The following GCN1 variants were observed in gnomAD, a reference collection of about 807,000 sequenced individuals.
The protein encoded by GCN1 is stalled ribosome sensor GCN1.
Under a neutral mutation model 288.4 loss-of-function variants are expected in GCN1, and 90 were observed. The ratio of observed to expected loss-of-function variants is 0.31; its 90% CI spans 0.26 to 0.37. GCN1 has a LOEUF of 0.37. GCN1 is among the 10% of genes least tolerant of loss of function. The pLI, the probability that GCN1 is intolerant of heterozygous loss-of-function variation, is 1.00. For missense variants in GCN1, 2,586 were observed against 3,419.9 expected (o/e 0.76, Z 6.08); for synonymous variants, 1,386 against 1,420.2 (o/e 0.98, Z 0.54).
intron 21 of GCN1, 123 bp downstream of exon 21, chr12:120,161,757 C>A: frequency 9.7e-7 from 1 of 1,035,274 alleles, no homozygotes; most frequent in Non-Finnish European, 1.5e-6. Flanking sequence ...ACACAACAGG[C>A]GCTTAGCCAA....
At chr12:120,187,234 C>CA (rs1878849656) in intron 2 of GCN1, among the ~76,000 whole-genome samples, 1 of 143,152 alleles carries the variant, frequency 7.0e-6, no homozygotes, top group Admixed American at 7.1e-5. Flanking sequence ...TTTTTTGAGA[C>CA]AGAGTTTCGT....
At chr12:120,146,546 T>C (rs967363309) in intron 38 of GCN1, among the ~76,000 whole-genome samples, 2 of 151,672 alleles carry the variant, frequency 1.3e-5, no homozygotes, top group African/African-American at 4.9e-5. Flanking sequence ...TTCTGGTTTT[T>C]TAATTTCCCA....
In GCN1 at chr12:120,143,586, AG is replaced by A. The variant is rs1446442072; in HGVS notation, c.5496-646del. Among the ~76,000 whole-genome samples, 54 of 135,054 alleles carry A rather than the reference AG, an allele frequency of 4.0e-4. 1 individual carries two copies. In the South Asian group the frequency reaches 6.4e-3, roughly 16 times the overall value. 88.6% of individuals were successfully genotyped at this position (135,054 alleles called of 152,430 possible). A position where few individuals can be genotyped will look rare whatever the true frequency, so the allele number is the denominator to read the frequency against. On this transcript the variant is annotated intron_variant, in intron 42 of 57. Coordinates refer to ENST00000300648, the MANE Select transcript of GCN1 (RefSeq NM_006836.2). ...GACAGAGCGAGACTCCGTCTCAAAA[AG>A]GAAAAAAAAAAAAAAAAGACCACTG...
At chr12:120,185,385 A>G (rs2139142443) in intron 2 of GCN1, among the ~76,000 whole-genome samples, 1 of 152,248 alleles carries the variant, frequency 6.6e-6, no homozygotes, top group East Asian at 1.9e-4. Flanking sequence ...AGCTTGGCCT[A>G]TCAGATTAGT....
chr12:120,162,976 A>AG lies in GCN1; in HGVS notation c.2039-6dup. 1 of 1,614,220 alleles carries AG rather than the reference A, an allele frequency of 6.2e-7. No individual in the cohort carries two copies. The highest frequency in any genetic ancestry group is 8.5e-7 in the Non-Finnish European group (1 of 1,180,028). The stretch of plus-strand genomic sequence containing the variant: ...AAAGTCCAGACTGCACGGCAACTGA[A>AG]GGGGAAGGGAGCTCTTTGAGGCCTT... On this transcript the variant is annotated splice_region_variant and splice_polypyrimidine_tract_variant and intron_variant, in intron 19 of 57. Transcript: ENST00000300648.
chr12:120,134,034 T>C lies in GCN1; in HGVS notation c.7317+257A>G, dbSNP rs527707892. ...GTGAGCCGAGATTGTGCCACTTCAC[T>C]CCGGCCTGGGTGACACAGCAAGACT... On this transcript the variant is annotated intron_variant, in intron 53 of 57. Coordinates refer to ENST00000300648, the MANE Select transcript of GCN1 (RefSeq NM_006836.2). The surrounding 1 kb of genome is among the most constrained non-coding windows in gnomAD (Gnocchi z 5.0). 3.3e-5 allele frequency among the ~76,000 whole-genome samples: 5 copies of C among 152,242 alleles called. No individual in the cohort carries two copies. Among genetic ancestry groups the C allele is most frequent in the Admixed American group, 1.3e-4 (2 of 15,302 alleles).
chr12:120,159,866 G>A lies in GCN1; in HGVS notation c.2708C>T (p.Ser903Phe). 6.2e-7 allele frequency: 1 copy of A among 1,614,192 alleles called. No homozygotes were observed. The highest frequency in any genetic ancestry group is 8.5e-7 in the Non-Finnish European group (1 of 1,180,026). The change falls in exon 24 of 58, where the codon TCC becomes TTC. Residue 903 changes from serine (S) to phenylalanine (F), a missense_variant. Ser to Phe is a radical substitution (Grantham distance 155, BLOSUM62 -2). This residue lies in a region of GCN1 where 153 missense variants were observed against 252.0 expected (regional missense o/e 0.61). Coordinates refer to ENST00000300648, the MANE Select transcript of GCN1 (RefSeq NM_006836.2). ...AAPRIKNPFL[S>F]LAACVMPSRL... ...AGAGGGCATGACACAGGCAGCCAAG[G>A]ACAAGAAGGGGTTCTTGATCCTGGG...
At chr12:120,152,842 A>AT (rs1030915303) in intron 33 of GCN1, among the ~76,000 whole-genome samples, 2 of 151,638 alleles carry the variant, frequency 1.3e-5, no homozygotes, top group South Asian at 2.1e-4. Context: ...CTGACCTTTT[A>AT]TTTTTTTTCC....
chr12:120,184,253 G>A lies in GCN1; in HGVS notation c.186-10C>T. 7 of 1,609,728 alleles carry A rather than the reference G, an allele frequency of 4.3e-6. No homozygotes were observed. Among genetic ancestry groups the A allele is most frequent in the Non-Finnish European group, 5.9e-6 (7 of 1,178,638 alleles). On this transcript the variant is annotated splice_polypyrimidine_tract_variant and intron_variant, in intron 3 of 57. Coordinates refer to ENST00000300648, the MANE Select transcript of GCN1 (RefSeq NM_006836.2). ...GCGGGAGGCTGCATCTCTAGGGGGA[G>A]AGGCAAAGGAAAGGGTGAACATGCA...
chr12:120,180,758 G>A (rs527419374), intron 5 of GCN1, among the ~76,000 whole-genome samples: 15 of 151,940 alleles, frequency 9.9e-5, no homozygotes, highest in African/African-American at 3.4e-4. Flanking sequence ...GGAGGCTGAG[G>A]CGGGCGGATC....
At chr12:120,171,674 T>C (rs1347491232) in intron 14 of GCN1, among the ~76,000 whole-genome samples, 1 of 152,226 alleles carries the variant, frequency 6.6e-6, no homozygotes, top group African/African-American at 2.4e-5. Context: ...GTTTATTTTA[T>C]ATTATGTTTA....
chr12:120,175,282 C>A, intron 11 of GCN1, 70 bp from the exon 12 acceptor site: 1 of 1,339,790 alleles, frequency 7.5e-7, no homozygotes, highest in South Asian at 1.2e-5. Context: ...ACAATGCAGT[C>A]ACGTGTGTGA....
intron 55 of GCN1, 44 bp downstream of exon 55, chr12:120,131,141 T>C (rs750876554): frequency 7.7e-5 from 123 of 1,588,300 alleles, no homozygotes; most frequent in Non-Finnish European, 1.0e-4. Flanking sequence ...GTGCTGCCTA[T>C]GGGATGTGGC....
rs1462487691 is a variant in GCN1 at position 120,178,756 on chromosome 12, G to A, written c.529C>T (p.Pro177Ser). Reference protein sequence around the residue: ...KKLTKLWKENPGLVEQYLSAI... With the variant: ...KKLTKLWKENSGLVEQYLSAI... ...GACAAGTACTGTTCCACCAGCCCGG[G>A]GTTCTGAAGAGGAAAGTGCCAGGCA... The change falls in exon 7 of 58, where the codon CCC (proline) becomes TCC (serine). Residue 177 changes from proline (P) to serine (S), a missense_variant. By Grantham distance (74) the Pro-to-Ser change is moderately conservative. Transcript: ENST00000300648. The A allele has an allele frequency of 1.2e-6, 2 of 1,614,244 alleles. No individual in the cohort carries two copies. Among genetic ancestry groups the A allele is most frequent in the Admixed American group, 1.7e-5 (1 of 60,028 alleles).
chr12:120,158,342 T>A lies in GCN1; in HGVS notation c.2905+118A>T, dbSNP rs1417762960. ...AGACTACGAAGGTTCAATTCAGAAATCCTCCATATGGTCCAATCCCCCAGG... is the reference window on the plus strand; with the variant it reads ...AGACTACGAAGGTTCAATTCAGAAAACCTCCATATGGTCCAATCCCCCAGG... On this transcript the variant is annotated intron_variant, in intron 25 of 57. Coordinates refer to ENST00000300648, the MANE Select transcript of GCN1 (RefSeq NM_006836.2). The surrounding 1 kb of genome is among the most constrained non-coding windows in gnomAD (Gnocchi z 4.3). 7 of 870,156 alleles carry A rather than the reference T, an allele frequency of 8.0e-6. No homozygotes were observed. Among genetic ancestry groups the A allele is most frequent in the Non-Finnish European group, 1.2e-5 (7 of 580,858 alleles). 53.9% of individuals were successfully genotyped at this position (870,156 alleles called of 1,614,324 possible).
rs765356050 is a variant in GCN1 at position 120,176,165 on chromosome 12, C to T, written c.891G>A (p.Met297Ile). 6.2e-7 allele frequency: 1 copy of T among 1,611,290 alleles called. No homozygotes were observed. Among genetic ancestry groups the T allele is most frequent in the South Asian group, 1.1e-5 (1 of 91,008 alleles). The part of the protein sequence containing the change: ...SVTLDLSQYA[M>I]DIVKGLAGHL... ...CACCAGCCAGTCCTTTCACGATGTC[C>T]ATGGCATACTGGCTGAGGTCAAGCG... Residue 297 changes from methionine to isoleucine, a missense_variant, in exon 10 of 58, where the codon ATG (methionine) becomes ATA (isoleucine). Coordinates refer to ENST00000300648, the MANE Select transcript of GCN1 (RefSeq NM_006836.2).
At chr12:120,131,827 G>C in intron 54 of GCN1, 99 bp downstream of exon 54, 1 of 770,448 alleles carries the variant, frequency 1.3e-6, no homozygotes, top group Admixed American at 2.1e-5. Context: ...CAGTCCAGTT[G>C]CTAAAAGATC....
At chr12:120,128,308 G>C (rs1460522711) in intron 57 of GCN1, among the ~76,000 whole-genome samples, 1 of 151,716 alleles carries the variant, frequency 6.6e-6, no homozygotes. Flanking sequence ...CTTTTCATGA[G>C]ACGAGGCAGT....
At chr12:120,165,948 C>T (rs147922763) in intron 16 of GCN1, among the ~76,000 whole-genome samples, 3,804 of 151,960 alleles carry the variant, frequency 0.025, 165 homozygotes, top group African/African-American at 0.085. Context: ...CCTGCTACCA[C>T]GCCCAGCTTA....
Sources: gnomAD v4.1 joint callset for allele counts (sites outside exome capture counted in the v4.1 genomes callset) on GRCh38, gnomAD v4.1.1 for gene constraint, gnomAD v4.1.1 regional missense constraint, Gnocchi (gnomAD v3.1) non-coding constraint, MANE v1.5 for transcripts, NCBI Gene and HGNC (gene_info 2026-07-23, HGNC 2026-07-21) for gene names.